Variants in POLA1 observed in about 807,000 individuals in gnomAD.
POLA1 encodes the protein DNA polymerase alpha catalytic subunit.
A neutral mutation model predicts 124.0 loss-of-function variants in POLA1; 15 were observed. That is an observed-to-expected ratio of 0.12 (90% CI 0.08 to 0.19). The LOEUF is 0.19. POLA1 is among the 10% of genes least tolerant of loss of function. The pLI is 1.00. For missense variants in POLA1, 886 were observed against 1,103.4 expected, an observed-to-expected ratio of 0.80 and a Z score of 2.79; for synonymous variants, 408 against 389.4, an observed-to-expected ratio of 1.05 and a Z score of -0.56.
chrX:24,701,764 A>ATT (rs753871510), intron 2 of POLA1, among the ~76,000 whole-genome samples: 4,115 of 86,440 alleles, frequency 0.048, 256 homozygotes, highest in African/African-American at 0.17. Context: ...GAATGGGAGA[A>ATT]TTTTTTTTTT....
chrX:24,730,043 C>T (rs1930800668), intron 15 of POLA1, among the ~76,000 whole-genome samples: 1 of 110,949 alleles, frequency 9.0e-6, no homozygotes, highest in African/African-American at 3.3e-5. Flanking sequence ...GTGATCTGCC[C>T]ACCCCAGCCT....
At chrX:24,914,912 A>G (rs1035469708) in intron 35 of POLA1, among the ~76,000 whole-genome samples, 1 of 112,235 alleles carries the variant, frequency 8.9e-6, no homozygotes, top group Admixed American at 9.4e-5. Context: ...TTAAAAACAA[A>G]CAGACCACAC....
rs751636531 is a variant in POLA1, at chrX:24,946,302, G to C, written c.4261+15753G>C. Among the ~76,000 whole-genome samples the C allele has an allele frequency of 2.7e-5, 3 of 111,876 alleles. No individual in the cohort carries two copies. The Admixed American group carries it at 2.8e-4, about 11-fold the overall frequency. On this transcript the variant is annotated intron_variant, in intron 36 of 36. Transcript: ENST00000379068. The stretch of plus-strand genomic sequence containing the variant: ...CACGTCCTCCAAGCGGTCTGGAACA[G>C]GATGGTAGTAGTAGAGGGTTTAGGA...
At chrX:24,957,530 G>A (rs1476664020) in intron 36 of POLA1, among the ~76,000 whole-genome samples, 1 of 111,410 alleles carries the variant, frequency 9.0e-6, no homozygotes, top group Non-Finnish European at 1.9e-5. Flanking sequence ...TGATGTTTAT[G>A]GATGAATATC....
chrX:24,711,075 TG>T (rs1186553851), intron 4 of POLA1, among the ~76,000 whole-genome samples: 1 of 111,963 alleles, frequency 8.9e-6, no homozygotes, highest in African/African-American at 3.3e-5. Flanking sequence ...CTCCGCCTCC[TG>T]GGCTCAAGCT....
intron 29 of POLA1, 119 bp downstream of exon 29, chrX:24,812,982 ATTC>A (rs1602429798): frequency 2.6e-6 from 1 of 386,935 alleles, no homozygotes; most frequent in African/African-American, 2.5e-5. Flanking sequence ...TATTTTTATT[ATTC>A]TTATTAATAA....
intron 36 of POLA1, among the ~76,000 whole-genome samples, chrX:24,976,695 C>T (rs2048366765): frequency 8.9e-6 from 1 of 112,530 alleles, no homozygotes; most frequent in Admixed American, 9.4e-5. Flanking sequence ...ATTAGTTAAA[C>T]ATGCACATAA....
chrX:24,765,410 C>T (rs1300305478), intron 26 of POLA1, among the ~76,000 whole-genome samples: 2 of 108,881 alleles, frequency 1.8e-5, no homozygotes, highest in African/African-American at 6.7e-5. Context: ...TTTCTTGTGC[C>T]TCAGCCTCCT....
At chrX:24,934,824 G>C (rs906511689) in intron 36 of POLA1, among the ~76,000 whole-genome samples, 4 of 112,042 alleles carry the variant, frequency 3.6e-5, no homozygotes, top group Non-Finnish European at 7.5e-5. Context: ...CTGGGTTCAA[G>C]CAATTTTCCT....
chrX:24,965,253 C>G (rs1207064466), intron 36 of POLA1, among the ~76,000 whole-genome samples: 3 of 111,959 alleles, frequency 2.7e-5, no homozygotes, highest in African/African-American at 9.7e-5. Flanking sequence ...ATGCTGATAC[C>G]AAGGTGGGCT....
chrX:24,922,472 T>G (rs1234287137), intron 35 of POLA1, among the ~76,000 whole-genome samples: 3 of 111,832 alleles, frequency 2.7e-5, no homozygotes. Context: ...ATTTTAACTT[T>G]GTTTTTTACA....
chrX:24,928,533 A>G (rs954583037), intron 35 of POLA1, among the ~76,000 whole-genome samples: 12 of 112,434 alleles, frequency 1.1e-4, no homozygotes, highest in African/African-American at 3.9e-4. Flanking sequence ...GTGACACTAA[A>G]CAGAATGGAC....
chrX:24,874,074 A>G (rs1325312366), intron 34 of POLA1, among the ~76,000 whole-genome samples: 1 of 112,050 alleles, frequency 8.9e-6, no homozygotes, highest in East Asian at 2.8e-4. Context: ...GCTGTGTGAC[A>G]GTGTGCAAAA....
At chrX:24,756,992 C>A (rs1252951784) in intron 26 of POLA1, among the ~76,000 whole-genome samples, 3 of 110,544 alleles carry the variant, frequency 2.7e-5, no homozygotes, top group African/African-American at 9.9e-5. Context: ...TTCAGCTGAC[C>A]TACTAACATT....
rs148194121 is a variant in POLA1, at chrX:24,740,032, A to G, written c.2216+482A>G. 6.9e-4 allele frequency among the ~76,000 whole-genome samples: 76 copies of G among 110,833 alleles called. 1 individual carries two copies. The highest frequency in any genetic ancestry group is 1.2e-3 in the Non-Finnish European group (66 of 52,894). ...GGAATTTAAATACCATGGGATGGCTATGCTTCCCACCTGTGTATCTTCAGG... is the reference window on the plus strand; with the variant it reads ...GGAATTTAAATACCATGGGATGGCTGTGCTTCCCACCTGTGTATCTTCAGG... On this transcript the variant is annotated intron_variant, in intron 20 of 36. Transcript: ENST00000379068.
chrX:24,793,506 A>G (rs980061364), intron 26 of POLA1, among the ~76,000 whole-genome samples: 1 of 111,563 alleles, frequency 9.0e-6, no homozygotes, highest in Admixed American at 9.5e-5. Context: ...AATGTGGGCA[A>G]TTATAGTGAA....
At chrX:24,807,653 A>T (rs953271423) in intron 26 of POLA1, among the ~76,000 whole-genome samples, 1 of 111,856 alleles carries the variant, frequency 8.9e-6, no homozygotes, top group Non-Finnish European at 1.9e-5. Flanking sequence ...AGGCACAAAC[A>T]TGTGGTCTGA....
Position 24,716,377 on chromosome X carries a change from C to T in POLA1, c.541C>T (p.Pro181Ser), listed in dbSNP as rs1929838753. Residue 181 changes from proline to serine, a missense_variant, in exon 7 of 37, where the codon CCA (proline) becomes TCA (serine). Coordinates refer to ENST00000379068, the MANE Select transcript of POLA1 (RefSeq NM_001330360.2). ...DLNTETPQITPPPVMILKKKR... is the reference protein window; with the variant it reads ...DLNTETPQITSPPVMILKKKR... ...TTCCTTTTAGACACCTCAAATAACT[C>T]CACCACCTGTAATGATACTGAAGAA... 8.6e-7 allele frequency: 1 copy of T among 1,168,450 alleles called. No homozygotes were observed. Among genetic ancestry groups the T allele is most frequent in the Non-Finnish European group, 1.2e-6 (1 of 856,356 alleles).
chrX:24,909,716 C>T (rs1452898020), intron 35 of POLA1, among the ~76,000 whole-genome samples: 4 of 111,505 alleles, frequency 3.6e-5, no homozygotes, highest in Non-Finnish European at 7.5e-5. Context: ...CTTGGCAGTG[C>T]AGGCTCTTTT....
Sources: allele counts gnomAD v4.1 joint callset (sites outside exome capture counted in the v4.1 genomes callset), GRCh38; gene constraint gnomAD v4.1.1; transcripts MANE v1.5; gene names NCBI Gene and HGNC (gene_info 2026-07-23, HGNC 2026-07-21).